DYM: variants seen among roughly 807,000 people sequenced by gnomAD.
The protein encoded by DYM is dyggve-Melchior-Clausen syndrome protein.
A neutral mutation model predicts 93.1 loss-of-function variants in DYM; 78 were observed. That is an observed-to-expected ratio of 0.84 (90% CI 0.70 to 1.01). The LOEUF (loss-of-function observed/expected upper bound fraction) is 1.01, where lower values mean the gene tolerates loss of function less well. Among genes scored for constraint, DYM ranks in the 50% least tolerant of loss-of-function variants. The pLI is 0.00. For synonymous variants in DYM, 321 were observed against 319.7 expected, an observed-to-expected ratio of 1.00 and a Z score of -0.04; for missense variants, 789 against 845.0, an observed-to-expected ratio of 0.93 and a Z score of 0.82.
intron 13 of DYM, among the ~76,000 whole-genome samples, chr18:49,235,675 T>C (rs1457810996): frequency 1.3e-5 from 2 of 151,086 alleles, no homozygotes; most frequent in African/African-American, 4.9e-5. Context: ...ACTTACGAGA[T>C]AGAATAAGAC....
intron 15 of DYM, among the ~76,000 whole-genome samples, chr18:49,134,650 T>C (rs374651023): frequency 9.2e-5 from 14 of 152,334 alleles, no homozygotes; most frequent in African/African-American, 3.1e-4. Context: ...ATAACCACGA[T>C]GATTTCACAA....
At chr18:49,192,967 T>A (rs1163824280) in intron 14 of DYM, among the ~76,000 whole-genome samples, 1 of 152,184 alleles carries the variant, frequency 6.6e-6, no homozygotes, top group Non-Finnish European at 1.5e-5. Flanking sequence ...AAGAATAAGT[T>A]TGATCCTTTT....
chr18:49,195,764 G>A (rs2091378585), intron 14 of DYM, among the ~76,000 whole-genome samples: 1 of 152,064 alleles, frequency 6.6e-6, no homozygotes, highest in Non-Finnish European at 1.5e-5. Context: ...TTCTTTCACT[G>A]GGAGGAAAAG....
At chr18:49,075,331 G>A (rs1048269142) in intron 17 of DYM, among the ~76,000 whole-genome samples, 5 of 152,106 alleles carry the variant, frequency 3.3e-5, no homozygotes, top group Admixed American at 2.0e-4. Flanking sequence ...GCTTGGTTGG[G>A]GACAGACAAA....
intron 17 of DYM, among the ~76,000 whole-genome samples, chr18:49,093,476 A>G (rs1347334932): frequency 6.6e-6 from 1 of 152,180 alleles, no homozygotes; most frequent in African/African-American, 2.4e-5. Context: ...GGAGACCCCA[A>G]TTAGGAGTTT....
chr18:49,196,458 C>T (rs1224115326), intron 14 of DYM, among the ~76,000 whole-genome samples: 1 of 152,004 alleles, frequency 6.6e-6, no homozygotes, highest in African/African-American at 2.4e-5. Context: ...CACACACACA[C>T]ACACACACAT....
intron 13 of DYM, among the ~76,000 whole-genome samples, chr18:49,221,123 G>A (rs1246778889): frequency 6.6e-6 from 1 of 152,108 alleles, no homozygotes; most frequent in African/African-American, 2.4e-5. Flanking sequence ...CTCAAAAGAA[G>A]ACATTTATGC....
At chr18:49,165,511 A>G (rs1171541226) in intron 14 of DYM, among the ~76,000 whole-genome samples, 3 of 152,128 alleles carry the variant, frequency 2.0e-5, no homozygotes, top group African/African-American at 7.2e-5. Flanking sequence ...ATTATTTCAG[A>G]TGGTTTAAAA....
chr18:49,348,518 G>A (rs571116586), intron 6 of DYM, among the ~76,000 whole-genome samples: 7 of 152,032 alleles, frequency 4.6e-5, no homozygotes, highest in South Asian at 4.1e-4. Flanking sequence ...ACTCAGTACC[G>A]TTATCGACCA....
chr18:49,419,582 ATTC>A (rs2073401531), intron 2 of DYM, among the ~76,000 whole-genome samples: 2 of 152,148 alleles, frequency 1.3e-5, no homozygotes, highest in South Asian at 4.1e-4. Context: ...ATTTATTCTT[ATTC>A]TTAAGTATTT....
At chr18:49,052,434 T>A (rs2075106257) in intron 17 of DYM, among the ~76,000 whole-genome samples, 3 of 152,346 alleles carry the variant, frequency 2.0e-5, no homozygotes, top group South Asian at 4.1e-4. Context: ...AAGGTTTAAT[T>A]TAGCACTAAG....
chr18:49,285,904 G>A (rs557963607), intron 9 of DYM, among the ~76,000 whole-genome samples: 1 of 152,316 alleles, frequency 6.6e-6, no homozygotes, highest in South Asian at 2.1e-4. Context: ...ATTTACTGGA[G>A]CACAGCCATC....
At chr18:49,304,077 G>A (rs2061125891) in intron 8 of DYM, among the ~76,000 whole-genome samples, 1 of 152,192 alleles carries the variant, frequency 6.6e-6, no homozygotes, top group Non-Finnish European at 1.5e-5. Flanking sequence ...GTCTTCAACT[G>A]ATGCACGCTA....
Position 49,256,916 on chromosome 18 carries a change from C to G in DYM, c.1460+94G>C. The stretch of plus-strand genomic sequence containing the variant: ...AATTAAGTAGGAAAATTTGATAGTC[C>G]TCACAGGTAACATTTAAAAAGGAAC... On this transcript the variant is annotated intron_variant, in intron 13 of 17. Coordinates refer to ENST00000675505, the MANE Select transcript of DYM (RefSeq NM_001353214.3). 3.8e-6 allele frequency: 4 copies of G among 1,054,616 alleles called. 1 individual carries two copies. The South Asian group carries it at 5.3e-5, about 14-fold the overall frequency. 65.3% of individuals were successfully genotyped at this position (1,054,616 alleles called of 1,614,324 possible). A position where few individuals can be genotyped will look rare whatever the true frequency, so the allele number is the denominator to read the frequency against.
intron 13 of DYM, among the ~76,000 whole-genome samples, chr18:49,210,738 C>T (rs2156251): frequency 0.71 from 107,576 of 152,036 alleles, 39,486 homozygotes; most frequent in Non-Finnish European, 0.81. Flanking sequence ...ATAACAAATA[C>T]GTCACTCTGG....
At chr18:49,264,262 A>G (rs554626279) in intron 11 of DYM, among the ~76,000 whole-genome samples, 10 of 152,062 alleles carry the variant, frequency 6.6e-5, no homozygotes, top group Non-Finnish European at 8.8e-5. Context: ...ATTCTTTCAA[A>G]TATGTTCTCA....
At chr18:49,163,915 G>A (rs2087526765) in intron 14 of DYM, 128 bp from the exon 15 acceptor site, 1 of 677,428 alleles carries the variant, frequency 1.5e-6, no homozygotes, top group Admixed American at 2.3e-5. Context: ...CTTTCTTCAT[G>A]CCTGTGTTAA....
intron 10 of DYM, among the ~76,000 whole-genome samples, chr18:49,280,849 C>G (rs1186053136): frequency 6.6e-6 from 1 of 152,144 alleles, no homozygotes. Flanking sequence ...CATAAAAACC[C>G]TAGAAGAAAA....
At chr18:49,300,226 ACT>A (rs2060831438) in intron 8 of DYM, among the ~76,000 whole-genome samples, 1 of 151,678 alleles carries the variant, frequency 6.6e-6, no homozygotes, top group Non-Finnish European at 1.5e-5. Context: ...ATTTTGACAT[ACT>A]CAAAAACATA....
Sources: gnomAD v4.1 joint callset for allele counts (sites outside exome capture counted in the v4.1 genomes callset) on GRCh38, gnomAD v4.1.1 for gene constraint, MANE v1.5 for transcripts, NCBI Gene and HGNC (gene_info 2026-07-23, HGNC 2026-07-21) for gene names.